ACAP2: variants seen among roughly 807,000 people sequenced by gnomAD.
The protein encoded by ACAP2 is ArfGAP with coiled-coil, ankyrin repeat and PH domains 2.
Under a neutral mutation model 115.8 loss-of-function variants are expected in ACAP2, and 39 were observed. The ratio of observed to expected loss-of-function variants is 0.34; its 90% CI spans 0.26 to 0.44. The LOEUF (loss-of-function observed/expected upper bound fraction) is 0.44, where lower values mean the gene tolerates loss of function less well. Ranked by LOEUF, ACAP2 falls within the 20% of genes least tolerant of loss-of-function variation. The pLI, the probability that ACAP2 is intolerant of heterozygous loss-of-function variation, is 1.00. For synonymous variants in ACAP2, 289 were observed against 315.8 expected (o/e 0.92, Z 0.90); for missense variants, 662 against 927.6 (o/e 0.71, Z 3.72).
At chr3:195,389,501 A>T (rs1212004180) in intron 2 of ACAP2, among the ~76,000 whole-genome samples, 1 of 152,186 alleles carries the variant, frequency 6.6e-6, no homozygotes, top group African/African-American at 2.4e-5. Context: ...TTATGTATAT[A>T]TAAGTAATAA....
At chr3:195,336,764 A>G in intron 7 of ACAP2, 168 bp downstream of exon 7, 1 of 630,302 alleles carries the variant, frequency 1.6e-6, no homozygotes, top group Non-Finnish European at 2.8e-6. Flanking sequence ...TGTAACATGA[A>G]GGAGACAAAA....
chr3:195,327,147 T>A (rs1486238613), intron 8 of ACAP2, among the ~76,000 whole-genome samples, 188 bp from the exon 9 acceptor site: 1 of 152,220 alleles, frequency 6.6e-6, no homozygotes, highest in Non-Finnish European at 1.5e-5. Flanking sequence ...TTTGAGAAGA[T>A]CCATATCTCC....
chr3:195,387,297 T>C (rs1001871932), intron 2 of ACAP2, among the ~76,000 whole-genome samples: 11 of 152,180 alleles, frequency 7.2e-5, no homozygotes, highest in African/African-American at 2.7e-4. Context: ...CCCTAATTCA[T>C]TCAACAACTT....
At chr3:195,305,707 T>C (rs1728376130) in intron 13 of ACAP2, among the ~76,000 whole-genome samples, 1 of 152,112 alleles carries the variant, frequency 6.6e-6, no homozygotes, top group South Asian at 2.1e-4. Context: ...GACATGCCCT[T>C]CGTCAATGTT....
Position 195,442,873 on chromosome 3 carries a change from T to C in ACAP2, c.-26A>G, listed in dbSNP as rs1238014174. The C allele has an allele frequency of 1.3e-6, 2 of 1,510,566 alleles. No homozygotes were observed. The highest frequency in any genetic ancestry group is 1.8e-6 in the Non-Finnish European group (2 of 1,129,672). The allele number at this position is 1,510,566 out of a possible 1,614,324, so 93.6% of individuals were successfully genotyped here. The stretch of plus-strand genomic sequence containing the variant: ...CCTGCCTCCGCCTCGCAGGCGGCGC[T>C]GGCAAAGCCGAGGGGGCCGCGGGAG... On this transcript the variant is annotated 5_prime_UTR_variant, in exon 1 of 23. Transcript: ENST00000326793.
At chr3:195,348,055 T>TG (rs565594660) in intron 4 of ACAP2, among the ~76,000 whole-genome samples, 5 of 145,974 alleles carry the variant, frequency 3.4e-5, no homozygotes, top group African/African-American at 1.2e-4. Flanking sequence ...AGAAAACTTG[T>TG]AAAAAAAAAA....
At chr3:195,281,981 C>T (rs1726538751) in intron 22 of ACAP2, among the ~76,000 whole-genome samples, 1 of 152,138 alleles carries the variant, frequency 6.6e-6, no homozygotes, top group Non-Finnish European at 1.5e-5. Flanking sequence ...TACCATTCAA[C>T]ACTAGAAGTA....
rs546291784 is a variant in ACAP2 at position 195,393,538 on chromosome 3, CTG to C, written c.54-1393_54-1392del. Among the ~76,000 whole-genome samples, 862 of 152,324 alleles carry C rather than the reference CTG, an allele frequency of 5.7e-3. 4 individuals are homozygous for C. Among genetic ancestry groups the C allele is most frequent in the South Asian group, 9.1e-3 (44 of 4,830 alleles). Reference sequence around the variant, plus strand: ...TGGAGAAAATGGAAGGTGCTGCACTCTGTAGCACAGAAACAGAAATACTTCTT... The same window carrying C: ...TGGAGAAAATGGAAGGTGCTGCACTCTAGCACAGAAACAGAAATACTTCTT... On this transcript the variant is annotated intron_variant, in intron 1 of 22. Coordinates refer to ENST00000326793, the MANE Select transcript of ACAP2 (RefSeq NM_012287.6).
rs1163967652 is a variant in ACAP2 at position 195,275,097 on chromosome 3, C to T, written c.*4231G>A. The T allele has an allele frequency of 2.0e-5, 3 of 152,558 alleles. No individual in the cohort carries two copies. The highest frequency in any genetic ancestry group is 4.4e-5 in the Non-Finnish European group (3 of 68,018). The allele number at this position is 152,558 out of a possible 1,614,324, so 9.5% of individuals were successfully genotyped here. A position where few individuals can be genotyped will look rare whatever the true frequency, so the allele number is the denominator to read the frequency against. On this transcript the variant is annotated 3_prime_UTR_variant, in exon 23 of 23. Coordinates refer to ENST00000326793, the MANE Select transcript of ACAP2 (RefSeq NM_012287.6). ...ATCATTTCCAAAAGTTAACCTTTAG[C>T]CTTTGTGTAAAATAAATGGTGCCAA...
chr3:195,367,860 GAATCCTTCA>G, intron 4 of ACAP2, among the ~76,000 whole-genome samples: 1 of 152,294 alleles, frequency 6.6e-6, no homozygotes, highest in African/African-American at 2.4e-5. Flanking sequence ...CAGACATGCT[GAATCCTTCA>G]GCCACAGTCA....
chr3:195,390,987 T>C (rs1313985128), intron 2 of ACAP2, among the ~76,000 whole-genome samples: 5 of 152,102 alleles, frequency 3.3e-5, no homozygotes, highest in African/African-American at 4.8e-5. Context: ...ATCAATAATA[T>C]AGATGGAGGG....
chr3:195,439,764 T>C (rs1715864516), intron 1 of ACAP2, among the ~76,000 whole-genome samples: 1 of 151,968 alleles, frequency 6.6e-6, no homozygotes, highest in African/African-American at 2.4e-5. Context: ...GTAGCTGGGA[T>C]TACAGGTGCA....
intron 1 of ACAP2, among the ~76,000 whole-genome samples, chr3:195,430,478 C>T (rs1237194281): frequency 6.6e-6 from 1 of 152,176 alleles, no homozygotes; most frequent in Admixed American, 6.5e-5. Flanking sequence ...CTTTGGGAGG[C>T]CGAGGTAGGC....
At chr3:195,333,240 G>A (rs935061907) in intron 7 of ACAP2, 117 bp from the exon 8 acceptor site, 40 of 445,910 alleles carry the variant, frequency 9.0e-5, no homozygotes, top group African/African-American at 6.8e-4. Flanking sequence ...TTGCTCTGTC[G>A]CCCAGACCTG....
chr3:195,409,275 G>T (rs1432049037), intron 1 of ACAP2, among the ~76,000 whole-genome samples: 2 of 152,034 alleles, frequency 1.3e-5, no homozygotes, highest in African/African-American at 4.8e-5. Context: ...AAAATCAGTT[G>T]CATTTCTATA....
chr3:195,318,470 G>C (rs1729234772), intron 10 of ACAP2, among the ~76,000 whole-genome samples: 1 of 152,216 alleles, frequency 6.6e-6, no homozygotes, highest in South Asian at 2.1e-4. Flanking sequence ...TGTAGTCCAG[G>C]CTGAGGTGGT....
intron 8 of ACAP2, among the ~76,000 whole-genome samples, chr3:195,329,531 T>G (rs374067003): frequency 2.6e-4 from 39 of 152,178 alleles, no homozygotes; most frequent in African/African-American, 9.2e-4. Flanking sequence ...TAACCCATAC[T>G]CTTTTTCCAG....
At chr3:195,325,295 G>A in intron 9 of ACAP2, 1 of 396,800 alleles carries the variant, frequency 2.5e-6, no homozygotes, top group Admixed American at 3.5e-5. Flanking sequence ...TAAAATGCGT[G>A]CACGTATCTG....
chr3:195,432,144 T>C (rs1715177004), intron 1 of ACAP2, among the ~76,000 whole-genome samples: 1 of 152,246 alleles, frequency 6.6e-6, no homozygotes, highest in Non-Finnish European at 1.5e-5. Flanking sequence ...ATTTTGTGCA[T>C]GACTTTTAAT....
Sources: allele counts gnomAD v4.1 joint callset (sites outside exome capture counted in the v4.1 genomes callset), GRCh38; gene constraint gnomAD v4.1.1; transcripts MANE v1.5; gene names NCBI Gene and HGNC (gene_info 2026-07-23, HGNC 2026-07-21).